Variants in SNX29 observed in about 807,000 individuals in gnomAD.
SNX29 encodes sorting nexin 29, also known as sorting nexin-29.
A neutral mutation model predicts 102.1 loss-of-function variants in SNX29; 78 were observed. The ratio of observed to expected loss-of-function variants is 0.76; its 90% confidence interval spans 0.64 to 0.92. The LOEUF (loss-of-function observed/expected upper bound fraction) is 0.92, where lower values mean the gene tolerates loss of function less well. SNX29 is among the 40% of genes least tolerant of loss of function. The pLI is 0.00. For synonymous variants in SNX29, 580 were observed against 414.5 expected (o/e 1.40, Z -4.85); for missense variants, 1,280 against 1,061.7 (o/e 1.21, Z -2.86).
chr16:12,466,629 C>G (rs1481875371), intron 18 of SNX29, among the ~76,000 whole-genome samples: 1 of 152,178 alleles, frequency 6.6e-6, no homozygotes, highest in Admixed American at 6.5e-5. Context: ...GGCCAGCTTC[C>G]TACCTCACCA....
intron 18 of SNX29, among the ~76,000 whole-genome samples, chr16:12,452,368 C>A (rs185044210): frequency 5.4e-5 from 1 of 18,538 alleles, no homozygotes; most frequent in Admixed American, 5.9e-4. Context: ...AGCTCCCATA[C>A]AAGACTGTGT....
At chr16:12,129,550 A>G (rs1567232667) in intron 12 of SNX29, 80 bp from the exon 13 acceptor site, 1 of 1,495,472 alleles carries the variant, frequency 6.7e-7, no homozygotes, top group Non-Finnish European at 8.9e-7. Context: ...TTAGGACTTG[A>G]CTTATGTTAG....
chr16:12,425,553 AT>A (rs749319364), intron 18 of SNX29, among the ~76,000 whole-genome samples: 7,563 of 69,852 alleles, frequency 0.11, 573 homozygotes, highest in East Asian at 0.35. Flanking sequence ...AATAAAAAAA[AT>A]AAAAAGAGGG....
At chr16:12,233,166 C>T (rs549484790) in intron 14 of SNX29, among the ~76,000 whole-genome samples, 1 of 152,162 alleles carries the variant, frequency 6.6e-6, no homozygotes, top group Admixed American at 6.5e-5. Context: ...TCCCTCCTCC[C>T]TGCAAAAACA....
intron 14 of SNX29, among the ~76,000 whole-genome samples, chr16:12,229,979 A>G (rs2077722826): frequency 6.6e-6 from 1 of 152,176 alleles, no homozygotes; most frequent in South Asian, 2.1e-4. Flanking sequence ...TGTTGTCCAG[A>G]TGGGTCTCTG....
chr16:12,568,718 C>A lies in SNX29; in HGVS notation c.*89C>A. ...CCGCTGGCCCCTCACCTCAGCGTGA[C>A]AACCACGTCCACCTGGTGATCCTGA... On this transcript the variant is annotated 3_prime_UTR_variant, in exon 21 of 21. Coordinates refer to ENST00000566228, the MANE Select transcript of SNX29 (RefSeq NM_032167.5). The A allele has an allele frequency of 2.6e-6, 4 of 1,522,276 alleles. No homozygotes were observed. Among genetic ancestry groups the A allele is most frequent in the Non-Finnish European group, 3.5e-6 (4 of 1,136,764 alleles). The allele number at this position is 1,522,276 out of a possible 1,614,324, so 94.3% of individuals were successfully genotyped here.
At chr16:12,558,203 A>C (rs1304425354) in intron 20 of SNX29, among the ~76,000 whole-genome samples, 1 of 141,604 alleles carries the variant, frequency 7.1e-6, no homozygotes, top group African/African-American at 2.7e-5. Context: ...GGTTTACTCC[A>C]GCAGAACCAT....
At chr16:12,106,777 C>G (rs369331461) in intron 11 of SNX29, among the ~76,000 whole-genome samples, 2 of 151,236 alleles carry the variant, frequency 1.3e-5, no homozygotes, top group South Asian at 2.1e-4. Flanking sequence ...CACCATGCCT[C>G]GCCCCTTTTA....
rs1245856800 is a variant in SNX29, at chr16:12,570,499, A to C, written c.*1870A>C. ...AATCTGCTGTATGTCATGACCCCTT[A>C]GGTTGGGTTTATGCCACATCGGTCA... On this transcript the variant is annotated 3_prime_UTR_variant, in exon 21 of 21. Coordinates refer to ENST00000566228, the MANE Select transcript of SNX29 (RefSeq NM_032167.5). The C allele has an allele frequency of 4.3e-6, 1 of 232,806 alleles. No homozygotes were observed. The highest frequency in any genetic ancestry group is 6.1e-5 in the East Asian group (1 of 16,486). The allele number at this position is 232,806 out of a possible 1,614,324, so 14.4% of individuals were successfully genotyped here.
At chr16:12,186,546 G>A (rs920116189) in intron 13 of SNX29, among the ~76,000 whole-genome samples, 3 of 152,178 alleles carry the variant, frequency 2.0e-5, no homozygotes, top group Non-Finnish European at 4.4e-5. Context: ...GTATTATGAC[G>A]TGATATTTAG....
At chr16:12,358,120 G>A (rs1244940002) in intron 16 of SNX29, among the ~76,000 whole-genome samples, 6 of 152,150 alleles carry the variant, frequency 3.9e-5, no homozygotes, top group Admixed American at 6.5e-5. Context: ...GTGAAATTGC[G>A]GCGTTTTAGT....
At position 12,571,051 on chromosome 16, in the gene SNX29, C is replaced by G. The variant is rs568754746; in HGVS notation, c.*2422C>G. 8 of 232,776 alleles carry G rather than the reference C, an allele frequency of 3.4e-5. No homozygotes were observed. Among genetic ancestry groups the G allele is most frequent in the African/African-American group, 8.8e-5 (4 of 45,434 alleles). The allele number at this position is 232,776 out of a possible 1,614,324, so 14.4% of individuals were successfully genotyped here. On this transcript the variant is annotated 3_prime_UTR_variant, in exon 21 of 21. Coordinates refer to ENST00000566228, the MANE Select transcript of SNX29 (RefSeq NM_032167.5). ...CAGACCATCTCCTCTCATTCTCACTCTAAAAATGCTGGTGGCCCGCACATG... is the reference window on the plus strand; with the variant it reads ...CAGACCATCTCCTCTCATTCTCACTGTAAAAATGCTGGTGGCCCGCACATG...
intron 16 of SNX29, among the ~76,000 whole-genome samples, chr16:12,385,749 C>T (rs1287599885): frequency 6.6e-6 from 1 of 152,226 alleles, no homozygotes; most frequent in African/African-American, 2.4e-5. Flanking sequence ...GACAGAAAGA[C>T]CTGACGAGAT....
intron 20 of SNX29, among the ~76,000 whole-genome samples, chr16:12,551,750 G>T (rs1392127434): frequency 6.6e-6 from 1 of 152,194 alleles, no homozygotes; most frequent in South Asian, 2.1e-4. Flanking sequence ...ATACTTCCTG[G>T]CTGCCTTGTA....
At chr16:12,166,198 G>C (rs548586591) in intron 13 of SNX29, among the ~76,000 whole-genome samples, 2 of 152,196 alleles carry the variant, frequency 1.3e-5, no homozygotes, top group Non-Finnish European at 2.9e-5. Flanking sequence ...CATTTATTGA[G>C]CATCTCCTGT....
At chr16:12,389,362 G>T (rs1432814882) in intron 16 of SNX29, among the ~76,000 whole-genome samples, 2 of 152,116 alleles carry the variant, frequency 1.3e-5, no homozygotes, top group African/African-American at 4.8e-5. Flanking sequence ...TCGAATCACG[G>T]GGGCGGTTTC....
intron 15 of SNX29, among the ~76,000 whole-genome samples, chr16:12,342,966 G>A (rs1045771778): frequency 6.6e-6 from 1 of 152,194 alleles, no homozygotes; most frequent in Non-Finnish European, 1.5e-5. Flanking sequence ...GCAGCTTTAC[G>A]GGAGTGCTGT....
intron 18 of SNX29, chr16:12,442,976 T>G (rs1426291750): frequency 2.2e-6 from 1 of 455,818 alleles, no homozygotes; most frequent in Non-Finnish European, 4.4e-6. Context: ...ATACTACTTT[T>G]CTTTTGATTT....
At chr16:12,460,192 A>G (rs1173014589) in intron 18 of SNX29, among the ~76,000 whole-genome samples, 1 of 152,160 alleles carries the variant, frequency 6.6e-6, no homozygotes, top group Non-Finnish European at 1.5e-5. Context: ...ATGAGACTTC[A>G]TCACCCAACC....
Sources: gnomAD v4.1 joint callset for allele counts (sites outside exome capture counted in the v4.1 genomes callset) on GRCh38, gnomAD v4.1.1 for gene constraint, MANE v1.5 for transcripts, NCBI Gene and HGNC (gene_info 2026-07-23, HGNC 2026-07-21) for gene names.